The following CNTNAP3 variants were observed in gnomAD, a reference collection of about 807,000 sequenced individuals.
The protein encoded by CNTNAP3 is contactin-associated protein-like 3.
In CNTNAP3, 36 loss-of-function variants were observed where a neutral mutation model predicts 92.1. The observed-to-expected ratio is 0.39, with a 90% CI of 0.30 to 0.52. CNTNAP3 has a LOEUF of 0.52. Among genes scored for constraint, CNTNAP3 ranks in the 20% least tolerant of loss-of-function variants. The pLI is 0.76. For missense variants in CNTNAP3, 534 were observed against 1,069.6 expected (o/e 0.50, Z 6.98); for synonymous variants, 232 against 422.3 (o/e 0.55, Z 5.53).
rs377087968 is a variant in CNTNAP3, at chr9:39,077,529, C to A, written c.3745+856G>T. Among the ~76,000 whole-genome samples, 890 of 152,060 alleles carry A rather than the reference C, an allele frequency of 5.9e-3. 9 individuals are homozygous for A. In the South Asian group the frequency reaches 0.082, roughly 14 times the overall value. On this transcript the variant is annotated intron_variant, in intron 23 of 23. Coordinates refer to ENST00000297668, the MANE Select transcript of CNTNAP3 (RefSeq NM_033655.5). ...TCGAGATTGCTTCACTGCACTCCAG[C>A]CTGGGCGACACAGCGAGACTCTGTC...
intron 23 of CNTNAP3, among the ~76,000 whole-genome samples, chr9:39,077,988 T>C (rs1278614321): frequency 6.6e-6 from 1 of 152,088 alleles, no homozygotes; most frequent in African/African-American, 2.4e-5. Context: ...GGCAGATCAC[T>C]TGAGGCCAGG....
intron 14 of CNTNAP3, among the ~76,000 whole-genome samples, chr9:39,115,657 G>A (rs1354354456): frequency 3.3e-5 from 5 of 151,584 alleles, no homozygotes; most frequent in South Asian, 4.3e-4. Context: ...AATGTAGGAG[G>A]GGAGTTAATT....
At chr9:39,081,818 C>A (rs1180730871) in intron 21 of CNTNAP3, among the ~76,000 whole-genome samples, 1 of 151,294 alleles carries the variant, frequency 6.6e-6, no homozygotes, top group Non-Finnish European at 1.5e-5. Context: ...GTGGCTCATG[C>A]CTGTAATCCC....
At chr9:39,205,039 C>A (rs1822560939) in intron 3 of CNTNAP3, among the ~76,000 whole-genome samples, 1 of 71,304 alleles carries the variant, frequency 1.4e-5, no homozygotes, top group Non-Finnish European at 2.3e-5. Context: ...CACATACTTC[C>A]TTAAGCCCTT....
intron 12 of CNTNAP3, among the ~76,000 whole-genome samples, chr9:39,138,856 G>A (rs1821504801): frequency 6.6e-6 from 1 of 152,254 alleles, no homozygotes; most frequent in Admixed American, 6.5e-5. Context: ...CCAATTTTGA[G>A]GGGCAGTGGT....
chr9:39,128,546 C>A (rs1348617423), intron 13 of CNTNAP3, among the ~76,000 whole-genome samples: 1 of 151,482 alleles, frequency 6.6e-6, no homozygotes, highest in Non-Finnish European at 1.5e-5. Context: ...TGTCAGCCAA[C>A]CAGGAATAAA....
Position 39,285,648 on chromosome 9 carries a change from A to G in CNTNAP3, c.85+2332T>C, listed in dbSNP as rs1368153735. Among the ~76,000 whole-genome samples the G allele has an allele frequency of 2.2e-3, 104 of 48,044 alleles. 33 individuals are homozygous for G. Among genetic ancestry groups the G allele is most frequent in the African/African-American group, 4.1e-3 (89 of 21,646 alleles). 31.5% of individuals were successfully genotyped at this position (48,044 alleles called of 152,430 possible). On this transcript the variant is annotated intron_variant, in intron 1 of 23. Transcript: ENST00000297668. ...GCGATTCTCCTGCCTCAGCCTCCCG[A>G]GAAGCTGGGATTACAGATGCCTGCC... is the stretch of plus-strand genomic sequence containing the variant.
intron 15 of CNTNAP3, 143 bp from the exon 16 acceptor site, chr9:39,104,057 G>C: frequency 1.5e-6 from 2 of 1,375,776 alleles, no homozygotes; most frequent in Non-Finnish European, 1.9e-6. Flanking sequence ...GAGCATCCAT[G>C]TCATATACTG....
rs1462487499 is a variant in CNTNAP3, at chr9:39,072,893, A to G, written c.*997T>C. 1.3e-5 allele frequency: 2 copies of G among 153,114 alleles called. No individual in the cohort carries two copies. Among genetic ancestry groups the G allele is most frequent in the East Asian group, 1.9e-4 (1 of 5,214 alleles). The allele number at this position is 153,114 out of a possible 1,614,324, so 9.5% of individuals were successfully genotyped here. A position where few individuals can be genotyped will look rare whatever the true frequency, so the allele number is the denominator to read the frequency against. On this transcript the variant is annotated 3_prime_UTR_variant, in exon 24 of 24. Coordinates refer to ENST00000297668, the MANE Select transcript of CNTNAP3 (RefSeq NM_033655.5). ...AAATGAATGATAAAGAAAAACAGAT[A>G]TGACCTCTCAATATCTTGGGGAAGT...
chr9:39,104,664 G>C (rs1826557013), intron 15 of CNTNAP3, among the ~76,000 whole-genome samples: 1 of 152,082 alleles, frequency 6.6e-6, no homozygotes, highest in African/African-American at 2.4e-5. Context: ...TACAGTGTGT[G>C]AGTCTTTTCT....
intron 14 of CNTNAP3, among the ~76,000 whole-genome samples, chr9:39,113,725 T>G (rs1318237344): frequency 6.6e-6 from 1 of 152,028 alleles, no homozygotes. Context: ...CCATAAAATT[T>G]GTTAAGATTC....
At chr9:39,148,065 T>C (rs1414732804) in intron 10 of CNTNAP3, among the ~76,000 whole-genome samples, 4 of 152,100 alleles carry the variant, frequency 2.6e-5, no homozygotes, top group Non-Finnish European at 5.9e-5. Flanking sequence ...GCTAGTTAGC[T>C]GAGCAACTTG....
At chr9:39,094,754 G>T (rs1340503356) in intron 18 of CNTNAP3, among the ~76,000 whole-genome samples, 1 of 151,570 alleles carries the variant, frequency 6.6e-6, no homozygotes, top group African/African-American at 2.4e-5. Context: ...GTAGTTTATA[G>T]TAAGTTTTGA....
At chr9:39,080,840 T>C (rs1825915906) in intron 21 of CNTNAP3, among the ~76,000 whole-genome samples, 2 of 138,204 alleles carry the variant, frequency 1.4e-5, no homozygotes, top group African/African-American at 5.4e-5. Flanking sequence ...TTTTTTTGTG[T>C]ATTTTTAGTA....
In CNTNAP3 at chr9:39,149,985, T is replaced by C; in HGVS notation, c.1478-8A>G. ...AGCTGTTGTCCAGGCAGCCTAAATA[T>C]GAAGACAAAAATAGGACAAAAGCAA... On this transcript the variant is annotated splice_region_variant and splice_polypyrimidine_tract_variant and intron_variant, in intron 9 of 23. Transcript: ENST00000297668. 1.2e-6 allele frequency: 2 copies of C among 1,611,672 alleles called. No homozygotes were observed. Among genetic ancestry groups the C allele is most frequent in the African/African-American group, 1.3e-5 (1 of 74,946 alleles).
intron 12 of CNTNAP3, among the ~76,000 whole-genome samples, chr9:39,136,999 C>T (rs952183721): frequency 2.0e-5 from 3 of 151,982 alleles, no homozygotes; most frequent in African/African-American, 7.3e-5. Flanking sequence ...GTTCTCTAAA[C>T]TTCCTGGATT....
rs895680463 is a variant in CNTNAP3 at position 39,124,063 on chromosome 9, C to T, written c.2081-5804G>A. 1.6e-4 allele frequency among the ~76,000 whole-genome samples: 24 copies of T among 152,046 alleles called. No homozygotes were observed. In the Middle Eastern group the frequency reaches 0.01, roughly 65 times the overall value. On this transcript the variant is annotated intron_variant, in intron 13 of 23. Transcript: ENST00000297668. ...TCTTCTTAATTGATGTAATAGGTAACAGCTCTAAATAATACTAACAATGTA... is the reference window on the plus strand; with the variant it reads ...TCTTCTTAATTGATGTAATAGGTAATAGCTCTAAATAATACTAACAATGTA...
At chr9:39,121,657 A>T (rs572082764) in intron 13 of CNTNAP3, among the ~76,000 whole-genome samples, 121 of 152,260 alleles carry the variant, frequency 7.9e-4, no homozygotes, top group African/African-American at 2.8e-3. Context: ...AGGACAAGCT[A>T]CAGAGATTGA....
intron 7 of CNTNAP3, among the ~76,000 whole-genome samples, chr9:39,175,477 CAA>C (rs4062735): frequency 3.2e-5 from 1 of 30,800 alleles, no homozygotes; most frequent in Admixed American, 3.4e-4. Context: ...GACTCCGTCT[CAA>C]AAAAAAAAAA....
Sources: allele counts gnomAD v4.1 joint callset (sites outside exome capture counted in the v4.1 genomes callset), GRCh38; gene constraint gnomAD v4.1.1; transcripts MANE v1.5; gene names NCBI Gene and HGNC (gene_info 2026-07-23, HGNC 2026-07-21).